NTNG2: variants seen among roughly 807,000 people sequenced by gnomAD.
NTNG2 encodes netrin-G2.
A neutral mutation model predicts 47.6 loss-of-function variants in NTNG2; 15 were observed. The ratio of observed to expected loss-of-function variants is 0.32; its 90% CI spans 0.21 to 0.49. The LOEUF is 0.49. NTNG2 is among the 20% of genes least tolerant of loss of function. The probability of loss-of-function intolerance (pLI) is 0.99; values close to 1 mark genes in which losing one functional copy is unlikely to be tolerated. For synonymous variants in NTNG2, 307 were observed against 324.6 expected, an observed-to-expected ratio of 0.95 and a Z score of 0.58; for missense variants, 578 against 764.6, an observed-to-expected ratio of 0.76 and a Z score of 2.88.
intron 3 of NTNG2, among the ~76,000 whole-genome samples, chr9:132,200,023 A>G (rs1480039028): frequency 1.3e-5 from 2 of 152,222 alleles, no homozygotes; most frequent in African/African-American, 2.4e-5. Context: ...GGGCAATGCC[A>G]TCTACCCTGG....
chr9:132,240,748 A>G (rs1449485469), intron 6 of NTNG2, 162 bp from the exon 7 acceptor site: 1 of 1,009,846 alleles, frequency 9.9e-7, no homozygotes, highest in Non-Finnish European at 1.5e-6. Flanking sequence ...CACCCTGGGA[A>G]GTCCCCACCT....
intron 2 of NTNG2, among the ~76,000 whole-genome samples, chr9:132,188,519 C>A (rs1314430545): frequency 6.6e-6 from 1 of 152,216 alleles, no homozygotes. Flanking sequence ...CATTGCTCAG[C>A]CTCTCTGAGT....
At chr9:132,207,507 A>G (rs1199731470) in intron 3 of NTNG2, among the ~76,000 whole-genome samples, 1 of 152,188 alleles carries the variant, frequency 6.6e-6, no homozygotes, top group Non-Finnish European at 1.5e-5. Flanking sequence ...TCCTACAGGG[A>G]CACCAATCAC....
At chr9:132,191,998 C>A (rs953647318) in intron 2 of NTNG2, among the ~76,000 whole-genome samples, 5 of 152,344 alleles carry the variant, frequency 3.3e-5, no homozygotes, top group African/African-American at 1.2e-4. Context: ...TATCAAAGGG[C>A]GGCTTTGGAG....
Position 132,180,867 on chromosome 9 carries a change from T to C in NTNG2, c.213+13823T>C, listed in dbSNP as rs1836882903. 6.6e-6 allele frequency among the ~76,000 whole-genome samples: 1 copy of C among 152,196 alleles called. No individual in the cohort carries two copies. Among genetic ancestry groups the C allele is most frequent in the African/African-American group, 2.4e-5 (1 of 41,452 alleles). ...GGTGCTCTTCCTAGAACCACGCATG[T>C]GCACACGTGTGTGCAAACACTGGGC... is the stretch of plus-strand genomic sequence containing the variant. On this transcript the variant is annotated intron_variant, in intron 2 of 7. Transcript: ENST00000393229. This position sits in a 1 kb window ranked among gnomAD's most constrained non-coding sequence, Gnocchi z 4.2.
chr9:132,225,935 CCT>C (rs1840722426), intron 3 of NTNG2, among the ~76,000 whole-genome samples: 2 of 152,122 alleles, frequency 1.3e-5, no homozygotes, highest in Non-Finnish European at 2.9e-5. Context: ...GATGCTCTGT[CCT>C]CTGTCTTTCC....
At position 132,241,041 on chromosome 9, in the gene NTNG2, T is replaced by C; in HGVS notation, c.1354T>C (p.Tyr452His). The C allele has an allele frequency of 6.3e-7, 1 of 1,599,126 alleles. No individual in the cohort carries two copies. The highest frequency in any genetic ancestry group is 8.5e-7 in the Non-Finnish European group (1 of 1,176,676). ...LPTHYWRQGCYPNVCDDDQLL... is the reference protein window; with the variant it reads ...LPTHYWRQGCHPNVCDDDQLL... ...CACGCACTACTGGCGCCAGGGCTGC[T>C]ACCGTGAGTGCGCGCCGTCCCCCGT... Residue 452 changes from tyrosine to histidine, a missense_variant, in exon 7 of 8, where the codon TAC becomes CAC. Physicochemically the swap from Tyr to His is moderately conservative, Grantham distance 83. Coordinates refer to ENST00000393229, the MANE Select transcript of NTNG2 (RefSeq NM_032536.4).
At chr9:132,195,518 G>A (rs1229720715) in intron 2 of NTNG2, among the ~76,000 whole-genome samples, 7 of 144,602 alleles carry the variant, frequency 4.8e-5, no homozygotes, top group African/African-American at 1.8e-4. Flanking sequence ...TAGTAGAGAC[G>A]GGGTTTCACT....
rs73559281 is a variant in NTNG2, at chr9:132,169,450, T to C, written c.213+2406T>C. ...GTTCAAACCCTGATGCCACAGTTTA[T>C]TGTGGCTTCCCCTGGGAGGGTCCGG... On this transcript the variant is annotated intron_variant, in intron 2 of 7. Transcript: ENST00000393229. 8.3e-3 allele frequency among the ~76,000 whole-genome samples: 1,262 copies of C among 152,332 alleles called. 16 individuals are homozygous for C. The highest frequency in any genetic ancestry group is 0.029 in the African/African-American group (1,198 of 41,570).
chr9:132,226,622 C>T lies in NTNG2; in HGVS notation c.858-227C>T, dbSNP rs566734508. On this transcript the variant is annotated intron_variant, in intron 3 of 7. Coordinates refer to ENST00000393229, the MANE Select transcript of NTNG2 (RefSeq NM_032536.4). The surrounding 1 kb of genome is among the most constrained non-coding windows in gnomAD (Gnocchi z 4.8). ...CCAGCATCAGAGCAGAGAGGAGAGC[C>T]GCGCAGTGACTGCAGGTGTGGCCTT... Among the ~76,000 whole-genome samples, 15 of 152,334 alleles carry T rather than the reference C, an allele frequency of 9.8e-5. No individual in the cohort carries two copies. In the South Asian group the frequency reaches 1.9e-3, roughly 19 times the overall value.
chr9:132,209,096 T>G (rs1203269596), intron 3 of NTNG2, among the ~76,000 whole-genome samples: 2 of 152,376 alleles, frequency 1.3e-5, no homozygotes, highest in East Asian at 3.9e-4. Context: ...GAAGGACGTT[T>G]CGGTGGCTCC....
At chr9:132,223,107 C>T (rs145858749) in intron 3 of NTNG2, among the ~76,000 whole-genome samples, 129 of 152,198 alleles carry the variant, frequency 8.5e-4, no homozygotes, top group Non-Finnish European at 1.4e-3. Context: ...GAGTGAGACT[C>T]GGTCTCAAAA....
At position 132,218,599 on chromosome 9, in the gene NTNG2, C is replaced by T. The variant is rs575216830; in HGVS notation, c.858-8250C>T. 2.0e-5 allele frequency among the ~76,000 whole-genome samples: 3 copies of T among 152,126 alleles called. No homozygotes were observed. Among genetic ancestry groups the T allele is most frequent in the East Asian group, 1.9e-4 (1 of 5,190 alleles). On this transcript the variant is annotated intron_variant, in intron 3 of 7. Transcript: ENST00000393229. The surrounding 1 kb of genome is among the most constrained non-coding windows in gnomAD (Gnocchi z 5.4). The stretch of plus-strand genomic sequence containing the variant: ...GCAACCTCCACCTGTTGGGTTCAAG[C>T]GATCCTCCTGCCTCAGCCTCCCGAG...
intron 2 of NTNG2, among the ~76,000 whole-genome samples, chr9:132,174,459 C>T (rs998614372): frequency 2.6e-5 from 4 of 152,214 alleles, no homozygotes; most frequent in East Asian, 1.9e-4. Flanking sequence ...GGGGGCATCC[C>T]GCACTTCTGG....
At chr9:132,222,320 A>G (rs1840405183) in intron 3 of NTNG2, among the ~76,000 whole-genome samples, 1 of 152,220 alleles carries the variant, frequency 6.6e-6, no homozygotes, top group African/African-American at 2.4e-5. Context: ...GGCCGCCCGT[A>G]CCAATAGGTG....
chr9:132,173,212 G>A (rs1409018238), intron 2 of NTNG2, among the ~76,000 whole-genome samples: 4 of 152,162 alleles, frequency 2.6e-5, no homozygotes, highest in African/African-American at 9.7e-5. Flanking sequence ...TGCACCAGCC[G>A]TTAAAGCCAC....
At chr9:132,190,912 G>A (rs1193357601) in intron 2 of NTNG2, among the ~76,000 whole-genome samples, 2 of 152,136 alleles carry the variant, frequency 1.3e-5, no homozygotes, top group Admixed American at 6.5e-5. Context: ...CACACTGCCT[G>A]ACCTTTCAGG....
At chr9:132,174,738 A>G (rs1238813429) in intron 2 of NTNG2, among the ~76,000 whole-genome samples, 2 of 151,958 alleles carry the variant, frequency 1.3e-5, no homozygotes, top group South Asian at 2.1e-4. Context: ...CCTGGCCAAC[A>G]TGGGGAAACC....
chr9:132,240,331 C>T (rs912296361), intron 6 of NTNG2, among the ~76,000 whole-genome samples: 1 of 152,230 alleles, frequency 6.6e-6, no homozygotes, highest in African/African-American at 2.4e-5. Context: ...ACCCTGGCAC[C>T]CTCCTCCTCT....
Sources: gnomAD v4.1 joint callset for allele counts (sites outside exome capture counted in the v4.1 genomes callset) on GRCh38, gnomAD v4.1.1 for gene constraint, Gnocchi (gnomAD v3.1) non-coding constraint, MANE v1.5 for transcripts, NCBI Gene and HGNC (gene_info 2026-07-23, HGNC 2026-07-21) for gene names.